Variants in OCA2 observed in about 807,000 individuals in gnomAD.
OCA2 encodes P protein.
Under a neutral mutation model 100.2 loss-of-function variants are expected in OCA2, and 77 were observed. The ratio of observed to expected loss-of-function variants is 0.77; its 90% CI spans 0.64 to 0.93. The LOEUF (loss-of-function observed/expected upper bound fraction) is 0.93. Ranked by LOEUF, OCA2 falls within the 40% of genes least tolerant of loss-of-function variation. OCA2 has a pLI of 0.00. For synonymous variants in OCA2, 432 were observed against 439.2 expected (o/e 0.98, Z 0.21); for missense variants, 1,062 against 1,089.1 (o/e 0.98, Z 0.35).
chr15:27,974,711 T>TG (rs1480538484), intron 14 of OCA2, among the ~76,000 whole-genome samples: 1 of 152,190 alleles, frequency 6.6e-6, no homozygotes, highest in Non-Finnish European at 1.5e-5. Context: ...GAGGTTGCAG[T>TG]GAGCCAAGAT....
At chr15:27,854,920 G>A (rs1268995918) in intron 21 of OCA2, among the ~76,000 whole-genome samples, 1 of 152,182 alleles carries the variant, frequency 6.6e-6, no homozygotes, top group Non-Finnish European at 1.5e-5. Context: ...CAAGGGAGGA[G>A]GCAATGTCTT....
At chr15:27,999,956 A>C (rs1173861512) in intron 9 of OCA2, among the ~76,000 whole-genome samples, 1 of 152,228 alleles carries the variant, frequency 6.6e-6, no homozygotes, top group Admixed American at 6.5e-5. Flanking sequence ...TGAATGAAGA[A>C]ATCAAAGAAG....
intron 2 of OCA2, among the ~76,000 whole-genome samples, chr15:28,033,215 T>A (rs1314969851): frequency 6.6e-6 from 1 of 152,226 alleles, no homozygotes; most frequent in East Asian, 1.9e-4. Context: ...CCATGAGAAG[T>A]TGTAGGAACA....
intron 15 of OCA2, among the ~76,000 whole-genome samples, chr15:27,966,064 G>A (rs1469170315): frequency 2.6e-5 from 4 of 152,118 alleles, no homozygotes. Flanking sequence ...TCCACCTCCT[G>A]GGTTCAAGCA....
downstream of OCA2, among the ~76,000 whole-genome samples, chr15:27,753,505 G>T (rs556935960): frequency 1.1e-3 from 171 of 152,158 alleles, no homozygotes; most frequent in Admixed American, 2.9e-3. Flanking sequence ...AGGCCGAGTC[G>T]GGTGGATCAC....
intron 2 of OCA2, among the ~76,000 whole-genome samples, chr15:28,059,675 A>G (rs908116355): frequency 1.3e-5 from 2 of 152,188 alleles, no homozygotes; most frequent in Non-Finnish European, 2.9e-5. Flanking sequence ...GCTCCCTAGT[A>G]GTAAAGTCTT....
chr15:27,840,083 G>A (rs893628489), intron 23 of OCA2, among the ~76,000 whole-genome samples: 1 of 151,872 alleles, frequency 6.6e-6, no homozygotes, highest in African/African-American at 2.4e-5. Context: ...AGCAGTGTTC[G>A]GAGGAAAGAG....
At chr15:27,833,637 G>A (rs2035042317) in intron 23 of OCA2, among the ~76,000 whole-genome samples, 2 of 152,136 alleles carry the variant, frequency 1.3e-5, no homozygotes, top group Non-Finnish European at 2.9e-5. Context: ...CCAAAAACAA[G>A]TTACATAAAA....
chr15:27,786,401 A>G (rs1038644058), intron 23 of OCA2, among the ~76,000 whole-genome samples: 2 of 152,186 alleles, frequency 1.3e-5, no homozygotes, highest in African/African-American at 4.8e-5. Flanking sequence ...TGAGTCTTGC[A>G]TATGAACTGA....
intron 23 of OCA2, among the ~76,000 whole-genome samples, chr15:27,793,780 GTTC>G (rs1305681992): frequency 2.6e-5 from 4 of 152,250 alleles, no homozygotes; most frequent in Admixed American, 6.5e-5. Flanking sequence ...TGTAGCTGCA[GTTC>G]TTCTTCCTCA....
At chr15:27,788,505 T>C (rs1021182646) in intron 23 of OCA2, among the ~76,000 whole-genome samples, 1 of 152,150 alleles carries the variant, frequency 6.6e-6, no homozygotes, top group African/African-American at 2.4e-5. Flanking sequence ...CTGACATTTG[T>C]ATAGCCATTT....
Position 27,952,990 on chromosome 15 carries a change from G to A in OCA2, c.1843-1098C>T, listed in dbSNP as rs140054403. ...GAGCCACCACGCCTGGCAAGCATCAGATCCTTTCTTGAGTCTGGTCCCACC... is the reference window on the plus strand; with the variant it reads ...GAGCCACCACGCCTGGCAAGCATCAAATCCTTTCTTGAGTCTGGTCCCACC... On this transcript the variant is annotated intron_variant, in intron 17 of 23. Coordinates refer to ENST00000354638, the MANE Select transcript of OCA2 (RefSeq NM_000275.3). 8.3e-3 allele frequency among the ~76,000 whole-genome samples: 1,261 copies of A among 152,216 alleles called. 12 individuals are homozygous for A. Among genetic ancestry groups the A allele is most frequent in the Non-Finnish European group, 0.012 (819 of 68,008 alleles).
intron 23 of OCA2, among the ~76,000 whole-genome samples, chr15:27,783,934 G>A (rs1325662190): frequency 6.6e-6 from 1 of 152,188 alleles, no homozygotes; most frequent in African/African-American, 2.4e-5. Flanking sequence ...ACTGCCTCCA[G>A]GGGAAGGCAC....
At chr15:27,765,470 C>A (rs766124773) in intron 23 of OCA2, among the ~76,000 whole-genome samples, 1 of 152,182 alleles carries the variant, frequency 6.6e-6, no homozygotes, top group African/African-American at 2.4e-5. Flanking sequence ...ATCACTCAAG[C>A]ACCTGGACCC....
chr15:27,880,245 G>T (rs1419390662), intron 19 of OCA2, among the ~76,000 whole-genome samples: 1 of 152,190 alleles, frequency 6.6e-6, no homozygotes, highest in African/African-American at 2.4e-5. Flanking sequence ...TGCTGTTTTG[G>T]TTACTGTAGC....
intron 23 of OCA2, among the ~76,000 whole-genome samples, chr15:27,792,613 T>C (rs2033138587): frequency 1.3e-5 from 2 of 152,058 alleles, no homozygotes; most frequent in African/African-American, 4.8e-5. Context: ...ACGTGCACCC[T>C]CCACAGCCGA....
chr15:28,074,590 C>T (rs1353321551), intron 2 of OCA2, among the ~76,000 whole-genome samples: 3 of 149,824 alleles, frequency 2.0e-5, no homozygotes, highest in African/African-American at 4.9e-5. Flanking sequence ...AGGAGAATGG[C>T]GTGAACCCGG....
At chr15:27,821,665 C>T (rs2034511947) in intron 23 of OCA2, among the ~76,000 whole-genome samples, 2 of 151,464 alleles carry the variant, frequency 1.3e-5, no homozygotes, top group South Asian at 2.1e-4. Flanking sequence ...CACAGGCTCA[C>T]ATGCATACGT....
At chr15:27,761,474 C>T (rs1366065684) in intron 23 of OCA2, among the ~76,000 whole-genome samples, 1 of 149,504 alleles carries the variant, frequency 6.7e-6, no homozygotes, top group African/African-American at 2.4e-5. Flanking sequence ...AAAAAAAAAA[C>T]CCAAAGCAGT....
Sources: gnomAD v4.1 joint callset for allele counts (sites outside exome capture counted in the v4.1 genomes callset) on GRCh38, gnomAD v4.1.1 for gene constraint, MANE v1.5 for transcripts, NCBI Gene and HGNC (gene_info 2026-07-23, HGNC 2026-07-21) for gene names.